FNBP1L: variants seen among roughly 807,000 people sequenced by gnomAD.
FNBP1L encodes formin-binding protein 1-like.
In FNBP1L, 36 loss-of-function variants were observed where a neutral mutation model predicts 91.2. The observed-to-expected ratio is 0.39, with a 90% confidence interval of 0.30 to 0.52. The LOEUF is 0.52. Among genes scored for constraint, FNBP1L ranks in the 20% least tolerant of loss-of-function variants. The pLI is 0.66. For synonymous variants in FNBP1L, 242 were observed against 237.0 expected, an observed-to-expected ratio of 1.02 and a Z score of -0.19; for missense variants, 571 against 732.1, an observed-to-expected ratio of 0.78 and a Z score of 2.54.
rs372802477 is a variant in FNBP1L, at chr1:93,465,195, G to T, written c.24+16890G>T. On this transcript the variant is annotated intron_variant, in intron 1 of 16. Coordinates refer to ENST00000271234, the MANE Select transcript of FNBP1L (RefSeq NM_001164473.3). ...TGTCATGAGGGTTGTCTCTTTTTTGGGGGGGGGGGTTCTTTTTTATTATTA... is the reference window on the plus strand; with the variant it reads ...TGTCATGAGGGTTGTCTCTTTTTTGTGGGGGGGGGTTCTTTTTTATTATTA... 0.027 allele frequency among the ~76,000 whole-genome samples: 16 copies of T among 598 alleles called. 1 individual carries two copies. The Middle Eastern group carries it at 0.4, about 15-fold the overall frequency. 0.4% of individuals were successfully genotyped at this position (598 alleles called of 152,430 possible). A position where few individuals can be genotyped will look rare whatever the true frequency, so the allele number is the denominator to read the frequency against.
In FNBP1L at chr1:93,526,212, G is replaced by A. The variant is rs567067583; in HGVS notation, c.405+1889G>A. On this transcript the variant is annotated intron_variant, in intron 5 of 16. Coordinates refer to ENST00000271234, the MANE Select transcript of FNBP1L (RefSeq NM_001164473.3). Reference sequence around the variant, plus strand: ...AAGAAGATAGAAGCATCAGAGATGCGAGGTCCATCAGTTACAAGGCTCCAA... The same window carrying A: ...AAGAAGATAGAAGCATCAGAGATGCAAGGTCCATCAGTTACAAGGCTCCAA... 1.2e-3 allele frequency among the ~76,000 whole-genome samples: 182 copies of A among 152,260 alleles called. 1 individual carries two copies. Among genetic ancestry groups the A allele is most frequent in the Non-Finnish European group, 2.2e-3 (147 of 68,022 alleles).
At chr1:93,483,190 G>GAAAA (rs76428254) in intron 1 of FNBP1L, among the ~76,000 whole-genome samples, 23 of 80,774 alleles carry the variant, frequency 2.8e-4, no homozygotes, top group Non-Finnish European at 4.4e-4. Flanking sequence ...ACCCTGTCTC[G>GAAAA]AAAAAAAAAA....
chr1:93,458,962 C>T (rs775720300), intron 1 of FNBP1L, among the ~76,000 whole-genome samples: 2 of 152,176 alleles, frequency 1.3e-5, no homozygotes, highest in Non-Finnish European at 2.9e-5. Flanking sequence ...TTTTAGGCAT[C>T]CACTGGGAGT....
chr1:93,509,942 A>G (rs904649069), intron 2 of FNBP1L, among the ~76,000 whole-genome samples: 6 of 152,198 alleles, frequency 3.9e-5, no homozygotes. Context: ...TATATCCCGC[A>G]CATGGCTCGG....
chr1:93,485,940 T>G, intron 1 of FNBP1L, among the ~76,000 whole-genome samples: 1 of 152,214 alleles, frequency 6.6e-6, no homozygotes, highest in East Asian at 1.9e-4. Context: ...CCTTGTGATC[T>G]GCCTGCCTCA....
chr1:93,473,875 C>T (rs1669393739), intron 1 of FNBP1L, among the ~76,000 whole-genome samples: 1 of 152,092 alleles, frequency 6.6e-6, no homozygotes, highest in Non-Finnish European at 1.5e-5. Flanking sequence ...GGTTACTAGC[C>T]CCCTAAGCAG....
At chr1:93,455,205 G>A (rs1340932464) in intron 1 of FNBP1L, among the ~76,000 whole-genome samples, 2 of 152,152 alleles carry the variant, frequency 1.3e-5, no homozygotes, top group African/African-American at 4.8e-5. Flanking sequence ...TGGGATTAGC[G>A]GCGTGAGCCA....
chr1:93,489,119 CT>C, intron 1 of FNBP1L, among the ~76,000 whole-genome samples: 1 of 152,188 alleles, frequency 6.6e-6, no homozygotes, highest in Non-Finnish European at 1.5e-5. Flanking sequence ...TTTTTTCCAA[CT>C]TTCTTCAGCA....
At position 93,532,939 on chromosome 1, in the gene FNBP1L, C is replaced by T. The variant is rs766994624; in HGVS notation, c.657C>T (p.Asp219=). ...ATTATTAGCAACTACAAGAAATGGACGAACGAAGGACTATTAAACTCAGTG... is the reference window on the plus strand; with the variant it reads ...ATTATTAGCAACTACAAGAAATGGATGAACGAAGGACTATTAAACTCAGTG... ...PQIYKQLQEM[D]ERRTIKLSEC... The change falls in exon 8 of 17, where the codon GAC becomes GAT. Residue 219 remains aspartate (D), a synonymous_variant. Transcript: ENST00000271234. 1.0e-4 allele frequency: 166 copies of T among 1,599,942 alleles called. No homozygotes were observed. Among genetic ancestry groups the T allele is most frequent in the South Asian group, 2.5e-4 (22 of 87,950 alleles).
At chr1:93,528,519 G>T in intron 5 of FNBP1L, among the ~76,000 whole-genome samples, 1 of 152,176 alleles carries the variant, frequency 6.6e-6, no homozygotes, top group Non-Finnish European at 1.5e-5. Flanking sequence ...TGGAGATTCA[G>T]TTATCTCCTG....
At position 93,459,979 on chromosome 1, in the gene FNBP1L, T is replaced by TGTGTGTG. The variant is rs1557774013; in HGVS notation, c.24+11674_24+11675insGTGTGTG. On this transcript the variant is annotated intron_variant, in intron 1 of 16. Transcript: ENST00000271234. ...TGTGTGTGTGTGTGTGTGTGTGTGTTTTTGGGATATTGAAATATTGGCATT... is the reference window on the plus strand; with the variant it reads ...TGTGTGTGTGTGTGTGTGTGTGTGTTGTGTGTGTTTGGGATATTGAAATATTGGCATT... 2.5e-3 allele frequency among the ~76,000 whole-genome samples: 117 copies of TGTGTGTG among 47,224 alleles called. No homozygotes were observed. The East Asian group carries it at 0.025, about 10-fold the overall frequency. The allele number at this position is 47,224 out of a possible 152,430, so 31.0% of individuals were successfully genotyped here.
chr1:93,488,527 A>T (rs1166942039), intron 1 of FNBP1L: 1 of 152,166 alleles, frequency 6.6e-6, no homozygotes, highest in African/African-American at 2.4e-5. Flanking sequence ...TGCCAGGTTT[A>T]TTGGAGGTTA....
intron 11 of FNBP1L, among the ~76,000 whole-genome samples, chr1:93,543,290 T>C (rs1278874588): frequency 6.6e-6 from 1 of 152,210 alleles, no homozygotes; most frequent in Non-Finnish European, 1.5e-5. Context: ...GTCATTTGGA[T>C]CAGATGTTTA....
intron 1 of FNBP1L, among the ~76,000 whole-genome samples, chr1:93,457,177 G>A (rs1012364964): frequency 4.6e-5 from 7 of 152,180 alleles, no homozygotes; most frequent in African/African-American, 1.2e-4. Flanking sequence ...GAGCCACTGC[G>A]TCTGACCTCC....
intron 14 of FNBP1L, among the ~76,000 whole-genome samples, chr1:93,548,006 A>T (rs145813910): frequency 2.6e-5 from 4 of 152,180 alleles, no homozygotes; most frequent in African/African-American, 9.7e-5. Flanking sequence ...TTACAGTGTA[A>T]TCTGAGCAAG....
At chr1:93,540,231 A>G (rs190850711) in intron 10 of FNBP1L, among the ~76,000 whole-genome samples, 2 of 152,246 alleles carry the variant, frequency 1.3e-5, no homozygotes, top group Non-Finnish European at 2.9e-5. Flanking sequence ...ATTGTTGTAC[A>G]AGAGCACTAT....
chr1:93,487,464 A>G (rs1299067315), intron 1 of FNBP1L, among the ~76,000 whole-genome samples: 2 of 152,172 alleles, frequency 1.3e-5, no homozygotes, highest in African/African-American at 2.4e-5. Context: ...TTGGCATCTC[A>G]TTTTTCATCA....
intron 15 of FNBP1L, 50 bp from the exon 16 acceptor site, chr1:93,550,897 A>G: frequency 6.9e-7 from 1 of 1,455,662 alleles, no homozygotes. Context: ...AGTAACTTTA[A>G]AAAAAATTAT....
At chr1:93,508,882 TC>T (rs1282596577) in intron 2 of FNBP1L, among the ~76,000 whole-genome samples, 1 of 152,194 alleles carries the variant, frequency 6.6e-6, no homozygotes, top group Non-Finnish European at 1.5e-5. Flanking sequence ...GGATCTTTCT[TC>T]TTGGCTTTGC....
Sources: gnomAD v4.1 joint callset for allele counts (sites outside exome capture counted in the v4.1 genomes callset) on GRCh38, gnomAD v4.1.1 for gene constraint, MANE v1.5 for transcripts, NCBI Gene and HGNC (gene_info 2026-07-23, HGNC 2026-07-21) for gene names.